Variants in CCSER1 observed in about 807,000 individuals in gnomAD.
The protein encoded by CCSER1 is coiled-coil serine rich protein 1.
Under a neutral mutation model 82.0 loss-of-function variants are expected in CCSER1, and 41 were observed. That is an observed-to-expected ratio of 0.50 (90% CI 0.39 to 0.65). The LOEUF (loss-of-function observed/expected upper bound fraction) is 0.65, where lower values mean the gene tolerates loss of function less well. Among genes scored for constraint, CCSER1 ranks in the 30% least tolerant of loss-of-function variants. The pLI is 0.00. For synonymous variants in CCSER1, 414 were observed against 383.9 expected, an observed-to-expected ratio of 1.08 and a Z score of -0.92; for missense variants, 1,119 against 1,064.2, an observed-to-expected ratio of 1.05 and a Z score of -0.72.
At chr4:90,132,550 A>G (rs1722984077) in intron 1 of CCSER1, among the ~76,000 whole-genome samples, 1 of 152,216 alleles carries the variant, frequency 6.6e-6, no homozygotes, top group Non-Finnish European at 1.5e-5. Context: ...TCTAAACTGC[A>G]GTACATTACC....
intron 3 of CCSER1, among the ~76,000 whole-genome samples, chr4:90,372,665 G>A (rs1384859412): frequency 1.3e-5 from 2 of 151,980 alleles, no homozygotes; most frequent in African/African-American, 4.8e-5. Context: ...CAGGAGAATC[G>A]CTTGAACCTG....
chr4:90,147,427 T>G (rs148411269), intron 1 of CCSER1, among the ~76,000 whole-genome samples: 204 of 152,254 alleles, frequency 1.3e-3, no homozygotes, highest in Middle Eastern at 6.8e-3. Context: ...AAATGAGACT[T>G]TACAAACCAT....
chr4:90,965,096 G>A (rs1734434028), intron 9 of CCSER1, among the ~76,000 whole-genome samples: 2 of 151,996 alleles, frequency 1.3e-5, no homozygotes, highest in Non-Finnish European at 2.9e-5. Context: ...TACAAGACTT[G>A]TTTTTATTTG....
Position 90,857,896 on chromosome 4 carries a change from A to G in CCSER1, c.2094+42051A>G, listed in dbSNP as rs1034966994. Among the ~76,000 whole-genome samples the G allele has an allele frequency of 3.9e-5, 6 of 152,092 alleles. No individual in the cohort carries two copies. The East Asian group carries it at 9.6e-4, about 24-fold the overall frequency. On this transcript the variant is annotated intron_variant, in intron 8 of 10. Coordinates refer to ENST00000509176, the MANE Select transcript of CCSER1 (RefSeq NM_001145065.2). The stretch of plus-strand genomic sequence containing the variant: ...AGTAGATTGCAGCTGCTCTTGCCAT[A>G]GGGAGAAAATGGGTAACTATGTGAG...
At chr4:91,301,714 A>G (rs1430893532) in intron 10 of CCSER1, among the ~76,000 whole-genome samples, 1 of 151,898 alleles carries the variant, frequency 6.6e-6, no homozygotes, top group African/African-American at 2.4e-5. Flanking sequence ...ACATTCACCA[A>G]TGGATAAGAA....
At chr4:90,517,450 T>TC in intron 5 of CCSER1, among the ~76,000 whole-genome samples, 1 of 152,140 alleles carries the variant, frequency 6.6e-6, no homozygotes, top group African/African-American at 2.4e-5. Context: ...CTCACATAAG[T>TC]AGATAGGTGT....
intron 10 of CCSER1, among the ~76,000 whole-genome samples, chr4:91,306,344 G>T (rs1243019493): frequency 1.3e-5 from 2 of 151,606 alleles, no homozygotes; most frequent in Non-Finnish European, 2.9e-5. Flanking sequence ...TTTTGTTTTG[G>T]TTTGCTTTGG....
intron 8 of CCSER1, among the ~76,000 whole-genome samples, chr4:90,870,844 CTATT>C (rs770787471): frequency 3.1e-5 from 4 of 129,228 alleles, no homozygotes; most frequent in Admixed American, 1.6e-4. Context: ...TACCGGGAGA[CTATT>C]TATTATGGCT....
chr4:90,389,820 GT>G lies in CCSER1; in HGVS notation c.1510-10207del, dbSNP rs898195025. On this transcript the variant is annotated intron_variant, in intron 3 of 10. Transcript: ENST00000509176. ...AAAAACAAGTATTTTTTAATTTCTA[GT>G]TTTTTTTTAATTAAAAGTATTATAG... 9.2e-5 allele frequency among the ~76,000 whole-genome samples: 14 copies of G among 151,606 alleles called. No homozygotes were observed. The South Asian group carries it at 1.5e-3, about 16-fold the overall frequency.
chr4:90,316,023 C>T (rs1736107500), intron 3 of CCSER1, among the ~76,000 whole-genome samples: 1 of 152,088 alleles, frequency 6.6e-6, no homozygotes, highest in Non-Finnish European at 1.5e-5. Flanking sequence ...AGAATGTATC[C>T]ATGGTTCAGT....
intron 10 of CCSER1, among the ~76,000 whole-genome samples, chr4:91,361,784 T>C (rs1485385988): frequency 1.3e-5 from 2 of 151,816 alleles, no homozygotes; most frequent in African/African-American, 4.8e-5. Flanking sequence ...GTTCAAAAAA[T>C]ATGTATTGAA....
chr4:90,183,153 A>G (rs1198649260), intron 1 of CCSER1, among the ~76,000 whole-genome samples: 2 of 152,112 alleles, frequency 1.3e-5, no homozygotes, highest in African/African-American at 4.8e-5. Flanking sequence ...CCATCTAAAG[A>G]TGATGCTGAG....
At chr4:90,136,070 A>G (rs1723646690) in intron 1 of CCSER1, among the ~76,000 whole-genome samples, 1 of 152,120 alleles carries the variant, frequency 6.6e-6, no homozygotes, top group Admixed American at 6.5e-5. Context: ...CTCCTTCATA[A>G]CCTTATTTGT....
rs376618335 is a variant in CCSER1 at position 91,505,786 on chromosome 4, GTTAT to G, written c.2218-92783_2218-92780del. Reference sequence around the variant, plus strand: ...TGTCCTTTGCTCACTTTTTAATGGGGTTATTTGTTTTGTTTCTTGTAAATTTAAG... The same window carrying G: ...TGTCCTTTGCTCACTTTTTAATGGGGTTGTTTTGTTTCTTGTAAATTTAAG... On this transcript the variant is annotated intron_variant, in intron 10 of 10. Transcript: ENST00000509176. Among the ~76,000 whole-genome samples the G allele has an allele frequency of 1.3e-4, 20 of 152,184 alleles. No homozygotes were observed. The East Asian group carries it at 2.5e-3, about 19-fold the overall frequency.
chr4:91,224,420 C>T (rs1737992031), intron 10 of CCSER1, among the ~76,000 whole-genome samples: 1 of 152,002 alleles, frequency 6.6e-6, no homozygotes, highest in Non-Finnish European at 1.5e-5. Flanking sequence ...TTTCCATATT[C>T]TTCTTAGATT....
intron 10 of CCSER1, among the ~76,000 whole-genome samples, chr4:91,258,279 C>A (rs1198765410): frequency 6.6e-6 from 1 of 151,956 alleles, no homozygotes; most frequent in Admixed American, 6.6e-5. Context: ...TAAGGCAACC[C>A]TTTTAAAAAC....
At chr4:90,837,377 T>C (rs1023837868) in intron 8 of CCSER1, among the ~76,000 whole-genome samples, 2 of 152,200 alleles carry the variant, frequency 1.3e-5, no homozygotes, top group African/African-American at 4.8e-5. Flanking sequence ...CTATTCACAA[T>C]ACATTTTATG....
intron 10 of CCSER1, among the ~76,000 whole-genome samples, chr4:91,567,268 TTTTACA>T (rs1275949858): frequency 1.3e-5 from 2 of 152,150 alleles, no homozygotes; most frequent in Admixed American, 6.6e-5. Flanking sequence ...ATTACATTTC[TTTTACA>T]TTTGTTGAGG....
At chr4:90,570,496 A>G (rs550878369) in intron 5 of CCSER1, among the ~76,000 whole-genome samples, 6 of 152,240 alleles carry the variant, frequency 3.9e-5, no homozygotes, top group African/African-American at 1.4e-4. Flanking sequence ...CAGACATACC[A>G]TGCAATCTGC....
Sources: gnomAD v4.1 joint callset for allele counts (sites outside exome capture counted in the v4.1 genomes callset) on GRCh38, gnomAD v4.1.1 for gene constraint, MANE v1.5 for transcripts, NCBI Gene and HGNC (gene_info 2026-07-23, HGNC 2026-07-21) for gene names.